Variants in CDK14 observed in about 807,000 individuals in gnomAD.
CDK14 encodes the protein cyclin-dependent kinase 14.
Under a neutral mutation model 60.7 loss-of-function variants are expected in CDK14, and 34 were observed. The ratio of observed to expected loss-of-function variants is 0.56; its 90% CI spans 0.43 to 0.75. The LOEUF (loss-of-function observed/expected upper bound fraction) is 0.75, where lower values mean the gene tolerates loss of function less well. Among genes scored for constraint, CDK14 ranks in the 30% least tolerant of loss-of-function variants. CDK14 has a pLI of 0.00. For synonymous variants in CDK14, 197 were observed against 203.7 expected, an observed-to-expected ratio of 0.97 and a Z score of 0.28; for missense variants, 482 against 564.1, an observed-to-expected ratio of 0.85 and a Z score of 1.47.
chr7:90,813,436 G>C (rs1411580048), intron 5 of CDK14, among the ~76,000 whole-genome samples: 1 of 152,202 alleles, frequency 6.6e-6, no homozygotes, highest in Non-Finnish European at 1.5e-5. Flanking sequence ...TTATACTTCA[G>C]TAAAATTGTT....
At chr7:91,168,923 C>T (rs1466876107) in intron 14 of CDK14, among the ~76,000 whole-genome samples, 1 of 152,162 alleles carries the variant, frequency 6.6e-6, no homozygotes, top group East Asian at 1.9e-4. Flanking sequence ...GCCCCCTCCC[C>T]CTCCACTGTG....
chr7:91,160,372 T>C (rs1373019939), intron 14 of CDK14, among the ~76,000 whole-genome samples: 1 of 152,166 alleles, frequency 6.6e-6, no homozygotes, highest in Non-Finnish European at 1.5e-5. Context: ...ATAGATACCT[T>C]GGGGACTGTG....
intron 4 of CDK14, among the ~76,000 whole-genome samples, chr7:90,761,656 G>A (rs941271962): frequency 1.3e-5 from 2 of 152,176 alleles, no homozygotes; most frequent in African/African-American, 2.4e-5. Context: ...AGGAGTGGTG[G>A]TGTCACTGGC....
chr7:91,174,704 T>C (rs1266943102), intron 14 of CDK14, among the ~76,000 whole-genome samples: 1 of 129,664 alleles, frequency 7.7e-6, no homozygotes, highest in Non-Finnish European at 1.6e-5. Context: ...AGAAAGGGTA[T>C]CAGCAATGGA....
rs75511885 is a variant in CDK14, at chr7:90,657,193, A to G, written c.123+52944A>G. 5.1e-3 allele frequency among the ~76,000 whole-genome samples: 783 copies of G among 152,312 alleles called. 12 individuals are homozygous for G. Among genetic ancestry groups the G allele is most frequent in the African/African-American group, 0.018 (751 of 41,568 alleles). On this transcript the variant is annotated intron_variant, in intron 2 of 14. Transcript: ENST00000380050. The stretch of plus-strand genomic sequence containing the variant: ...CATTTTGGAGGTGCAAATGGTTTGG[A>G]CTATTCAATAGCCCAAATGGTCAAA...
chr7:90,673,732 A>G (rs971998525), intron 2 of CDK14, among the ~76,000 whole-genome samples: 4 of 152,210 alleles, frequency 2.6e-5, no homozygotes, highest in Admixed American at 6.5e-5. Context: ...GGTTTTGTAA[A>G]TCACAAAAGT....
intron 11 of CDK14, among the ~76,000 whole-genome samples, chr7:91,069,702 T>A (rs938729350): frequency 2.6e-4 from 40 of 152,338 alleles, no homozygotes; most frequent in African/African-American, 9.4e-4. Context: ...GCTGTCTAAA[T>A]AGAAAGACAC....
intron 4 of CDK14, among the ~76,000 whole-genome samples, chr7:90,779,709 A>G (rs1446231925): frequency 6.6e-6 from 1 of 152,212 alleles, no homozygotes; most frequent in African/African-American, 2.4e-5. Context: ...ATTCCCTGCA[A>G]TTATTTTGAA....
intron 10 of CDK14, among the ~76,000 whole-genome samples, chr7:91,004,805 C>G (rs1795934888): frequency 6.6e-6 from 1 of 152,210 alleles, no homozygotes; most frequent in South Asian, 2.1e-4. Flanking sequence ...CTGTACCAAT[C>G]AGGGTTCAGT....
chr7:91,196,685 A>T (rs1802552819), intron 14 of CDK14, among the ~76,000 whole-genome samples: 1 of 152,224 alleles, frequency 6.6e-6, no homozygotes, highest in Admixed American at 6.5e-5. Flanking sequence ...CTTAAGTTCA[A>T]CAACCTCATT....
intron 14 of CDK14, among the ~76,000 whole-genome samples, chr7:91,173,285 G>C (rs898475589): frequency 6.6e-6 from 1 of 152,190 alleles, no homozygotes; most frequent in African/African-American, 2.4e-5. Context: ...ACCTCATTAA[G>C]AGGTACATTC....
intron 5 of CDK14, among the ~76,000 whole-genome samples, chr7:90,814,020 A>G (rs1789248687): frequency 1.3e-5 from 2 of 152,172 alleles, no homozygotes; most frequent in African/African-American, 4.8e-5. Flanking sequence ...TAATATCTTT[A>G]TCTATTTCTC....
intron 2 of CDK14, among the ~76,000 whole-genome samples, chr7:90,649,925 G>A (rs983467685): frequency 2.6e-5 from 4 of 152,120 alleles, no homozygotes; most frequent in African/African-American, 4.8e-5. Flanking sequence ...ACATACATAT[G>A]CATGTGTCTT....
intron 10 of CDK14, among the ~76,000 whole-genome samples, chr7:91,043,012 G>A (rs898885248): frequency 6.6e-6 from 1 of 152,112 alleles, no homozygotes; most frequent in African/African-American, 2.4e-5. Context: ...TGCCCACTTT[G>A]CCTTTTCTGT....
At chr7:90,655,534 T>C (rs1405352753) in intron 2 of CDK14, among the ~76,000 whole-genome samples, 1 of 152,206 alleles carries the variant, frequency 6.6e-6, no homozygotes, top group African/African-American at 2.4e-5. Context: ...AATCACATAC[T>C]TAAGTATGAT....
intron 6 of CDK14, among the ~76,000 whole-genome samples, chr7:90,870,926 A>G (rs891776903): frequency 6.6e-6 from 1 of 152,214 alleles, no homozygotes; most frequent in Non-Finnish European, 1.5e-5. Flanking sequence ...TGAGATATTT[A>G]TGAGATATTT....
chr7:91,152,260 A>G (rs762935148), intron 14 of CDK14, among the ~76,000 whole-genome samples: 2 of 152,208 alleles, frequency 1.3e-5, no homozygotes, highest in Non-Finnish European at 2.9e-5. Flanking sequence ...GGGAATCACA[A>G]TCAGTCAAAA....
chr7:90,863,859 C>T (rs1439241076), intron 6 of CDK14, among the ~76,000 whole-genome samples: 2 of 152,064 alleles, frequency 1.3e-5, no homozygotes, highest in African/African-American at 2.4e-5. Flanking sequence ...GACTTGAACT[C>T]ATAATTAATT....
At chr7:90,637,188 G>A (rs76427178) in intron 2 of CDK14, among the ~76,000 whole-genome samples, 2 of 150,878 alleles carry the variant, frequency 1.3e-5, no homozygotes, top group Non-Finnish European at 1.5e-5. Context: ...TTTTGAATGT[G>A]TTTGCTCTTG....
Sources: gnomAD v4.1 joint callset for allele counts (sites outside exome capture counted in the v4.1 genomes callset) on GRCh38, gnomAD v4.1.1 for gene constraint, MANE v1.5 for transcripts, NCBI Gene and HGNC (gene_info 2026-07-23, HGNC 2026-07-21) for gene names.